AGBL1: variants seen among roughly 807,000 people sequenced by gnomAD.
AGBL1 encodes the protein cytosolic carboxypeptidase 4.
A neutral mutation model predicts 118.9 loss-of-function variants in AGBL1; 130 were observed. That is an observed-to-expected ratio of 1.09 (90% CI 0.95 to 1.26). The LOEUF (loss-of-function observed/expected upper bound fraction) is 1.26. AGBL1 is among the 50% of genes most tolerant of loss of function. The pLI, the probability that AGBL1 is intolerant of heterozygous loss-of-function variation, is 0.00. For missense variants in AGBL1, 1,584 were observed against 1,298.1 expected (o/e 1.22, Z -3.38); for synonymous variants, 555 against 478.9 (o/e 1.16, Z -2.08).
At chr15:86,818,557 A>C (rs2078897310) in intron 22 of AGBL1, among the ~76,000 whole-genome samples, 1 of 152,068 alleles carries the variant, frequency 6.6e-6, no homozygotes, top group Non-Finnish European at 1.5e-5. Context: ...TCCACAAAGC[A>C]GGTCCTGATG....
chr15:86,611,841 A>G (rs561643495), intron 21 of AGBL1, among the ~76,000 whole-genome samples: 3 of 152,240 alleles, frequency 2.0e-5, no homozygotes, highest in Admixed American at 1.3e-4. Flanking sequence ...TTTACTGTAA[A>G]CTCAGGGTGA....
intron 1 of AGBL1, chr15:86,083,212 C>G (rs532014026): frequency 5.9e-5 from 9 of 152,156 alleles, no homozygotes; most frequent in African/African-American, 2.2e-4. Flanking sequence ...AAAGAGGTGT[C>G]TCATTTGTCC....
intron 22 of AGBL1, among the ~76,000 whole-genome samples, chr15:86,755,947 A>G (rs1190218878): frequency 1.3e-5 from 2 of 152,124 alleles, no homozygotes; most frequent in Non-Finnish European, 2.9e-5. Flanking sequence ...AAAGATATCC[A>G]TTAAAGTGAC....
At chr15:86,254,478 G>A (rs1486539682) in intron 7 of AGBL1, among the ~76,000 whole-genome samples, 1 of 152,248 alleles carries the variant, frequency 6.6e-6, no homozygotes, top group South Asian at 2.1e-4. Flanking sequence ...TATCATGCAA[G>A]TAGGGTATTT....
intron 16 of AGBL1, among the ~76,000 whole-genome samples, chr15:86,287,076 T>G (rs2141745154): frequency 6.6e-6 from 1 of 152,230 alleles, no homozygotes; most frequent in South Asian, 2.1e-4. Context: ...CTCATTGTGG[T>G]TTTATTTTGC....
At chr15:86,097,430 G>A (rs1392415871) in intron 1 of AGBL1, among the ~76,000 whole-genome samples, 2 of 151,734 alleles carry the variant, frequency 1.3e-5, no homozygotes, top group Non-Finnish European at 2.9e-5. Context: ...CTGTATGCTT[G>A]TACATATTAA....
chr15:86,128,520 T>G (rs2141601443), intron 1 of AGBL1, among the ~76,000 whole-genome samples: 1 of 152,354 alleles, frequency 6.6e-6, no homozygotes, highest in Non-Finnish European at 1.5e-5. Context: ...TATGAGCAAC[T>G]TGGGAGGAAG....
chr15:86,678,407 T>C (rs892938797), intron 22 of AGBL1, among the ~76,000 whole-genome samples: 2 of 152,158 alleles, frequency 1.3e-5, no homozygotes, highest in African/African-American at 2.4e-5. Context: ...CTGATGCAGA[T>C]AAAAATCCTT....
intron 21 of AGBL1, among the ~76,000 whole-genome samples, chr15:86,653,047 T>G (rs2085402284): frequency 6.6e-6 from 1 of 152,184 alleles, no homozygotes; most frequent in African/African-American, 2.4e-5. Context: ...CAAATGCGTT[T>G]TATCCATGAG....
chr15:86,363,040 T>G (rs2080829939), intron 17 of AGBL1, among the ~76,000 whole-genome samples: 1 of 152,182 alleles, frequency 6.6e-6, no homozygotes, highest in Non-Finnish European at 1.5e-5. Context: ...AGGCTGGAGC[T>G]GAGTCTACAG....
intron 21 of AGBL1, among the ~76,000 whole-genome samples, chr15:86,643,694 C>A (rs1269276933): frequency 4.6e-5 from 7 of 151,962 alleles, no homozygotes; most frequent in Non-Finnish European, 1.0e-4. Context: ...ATTTTTACTG[C>A]ATTTTATTAT....
chr15:86,708,192 A>G lies in AGBL1; in HGVS notation c.3158+33756A>G, dbSNP rs141900410. 1.0e-3 allele frequency among the ~76,000 whole-genome samples: 155 copies of G among 152,264 alleles called. 1 individual carries two copies. Among genetic ancestry groups the G allele is most frequent in the African/African-American group, 3.5e-3 (145 of 41,576 alleles). On this transcript the variant is annotated intron_variant, in intron 22 of 22. Transcript: ENST00000614907. ...ACATTAGGGGTTAAAGTTGAAGCCA[A>G]TATTTGGCCAATATTGGATTGGACC...
intron 23 of AGBL1, among the ~76,000 whole-genome samples, chr15:86,921,161 C>T (rs1170896416): frequency 2.0e-5 from 3 of 152,120 alleles, no homozygotes; most frequent in Non-Finnish European, 2.9e-5. Context: ...CGAAGTAGGT[C>T]GTAAGAGGAT....
intron 15 of AGBL1, among the ~76,000 whole-genome samples, chr15:86,275,251 C>T (rs2079230906): frequency 6.6e-6 from 1 of 152,080 alleles, no homozygotes; most frequent in Non-Finnish European, 1.5e-5. Context: ...ACATTTATCT[C>T]CGCTCGTGAG....
rs149343722 is a variant in AGBL1, at chr15:86,595,558, C to A, written c.2994+41021C>A. Among the ~76,000 whole-genome samples the A allele has an allele frequency of 1.9e-3, 289 of 152,220 alleles. 2 individuals carry two copies. Among genetic ancestry groups the A allele is most frequent in the Non-Finnish European group, 3.4e-3 (229 of 68,000 alleles). ...ACTTTTCACCATGTCATTATATTAT[C>A]AACTATTATCTCCTCTCACCCTCTC... On this transcript the variant is annotated intron_variant, in intron 21 of 22. Coordinates refer to ENST00000614907, the MANE Select transcript of AGBL1 (RefSeq NM_001386094.1).
At chr15:86,313,150 G>A (rs1170304445) in intron 17 of AGBL1, among the ~76,000 whole-genome samples, 1 of 152,324 alleles carries the variant, frequency 6.6e-6, no homozygotes, top group East Asian at 1.9e-4. Flanking sequence ...ATGGTAAGAA[G>A]TGGGGGACAC....
At chr15:86,493,741 A>G (rs746490011) in intron 18 of AGBL1, among the ~76,000 whole-genome samples, 1 of 152,082 alleles carries the variant, frequency 6.6e-6, no homozygotes, top group Non-Finnish European at 1.5e-5. Context: ...TGCAAAACAC[A>G]CACAGACACA....
intron 22 of AGBL1, among the ~76,000 whole-genome samples, chr15:86,801,318 T>TATCTATCG (rs2078646961): frequency 7.4e-6 from 1 of 134,814 alleles, no homozygotes; most frequent in African/African-American, 2.8e-5. Flanking sequence ...TACATCTATC[T>TATCTATCG]ATCTATCTAT....
intron 6 of AGBL1, among the ~76,000 whole-genome samples, chr15:86,229,649 C>G (rs970145454): frequency 6.6e-6 from 1 of 152,074 alleles, no homozygotes; most frequent in African/African-American, 2.4e-5. Flanking sequence ...TCTCATTTCC[C>G]TGTCCACCTT....
Sources: allele counts gnomAD v4.1 joint callset (sites outside exome capture counted in the v4.1 genomes callset), GRCh38; gene constraint gnomAD v4.1.1; transcripts MANE v1.5; gene names NCBI Gene and HGNC (gene_info 2026-07-23, HGNC 2026-07-21).